The following MARCHF1 variants were observed in gnomAD, a reference collection of about 807,000 sequenced individuals.
The protein encoded by MARCHF1 is E3 ubiquitin-protein ligase MARCHF1.
A neutral mutation model predicts 54.2 loss-of-function variants in MARCHF1; 40 were observed. The observed-to-expected ratio is 0.74, with a 90% CI of 0.57 to 0.96. The LOEUF is 0.96. Ranked by LOEUF, MARCHF1 falls within the 40% of genes least tolerant of loss-of-function variation. The pLI is 0.00. For synonymous variants in MARCHF1, 236 were observed against 236.3 expected, an observed-to-expected ratio of 1.00 and a Z score of 0.01; for missense variants, 586 against 656.5, an observed-to-expected ratio of 0.89 and a Z score of 1.17.
In MARCHF1 at chr4:163,585,931, T is replaced by C; in HGVS notation, c.1011-2A>G. On this transcript the variant is annotated splice_acceptor_variant, in intron 7 of 9. Coordinates refer to ENST00000514618, the MANE Select transcript of MARCHF1 (RefSeq NM_001394959.1). LOFTEE classifies it high-confidence loss of function. ...TCATCCCCTTCGCAGTGACAGATTCTGCAGAAAGACACAGCAGCCAGTATG... is the reference window on the plus strand; with the variant it reads ...TCATCCCCTTCGCAGTGACAGATTCCGCAGAAAGACACAGCAGCCAGTATG... 1 of 1,600,040 alleles carries C rather than the reference T, an allele frequency of 6.2e-7. No individual in the cohort carries two copies. The highest frequency in any genetic ancestry group is 8.5e-7 in the Non-Finnish European group (1 of 1,173,844).
At chr4:164,239,516 C>A (rs1375174364) in intron 1 of MARCHF1, among the ~76,000 whole-genome samples, 1 of 152,088 alleles carries the variant, frequency 6.6e-6, no homozygotes, top group Non-Finnish European at 1.5e-5. Context: ...TGATTATAGT[C>A]AGATAGTCCT....
At chr4:164,185,336 T>A (rs998392494) in intron 1 of MARCHF1, among the ~76,000 whole-genome samples, 2 of 152,230 alleles carry the variant, frequency 1.3e-5, no homozygotes, top group Non-Finnish European at 2.9e-5. Context: ...TGATTGAATT[T>A]GTCTTTTATT....
At chr4:163,717,154 AC>A (rs1745289158) in intron 4 of MARCHF1, among the ~76,000 whole-genome samples, 1 of 76,444 alleles carries the variant, frequency 1.3e-5, no homozygotes, top group South Asian at 5.7e-4. Flanking sequence ...CCCTCCCCCC[AC>A]CCCATAACAG....
intron 3 of MARCHF1, among the ~76,000 whole-genome samples, chr4:163,888,113 AC>A (rs1465916116): frequency 2.6e-5 from 4 of 152,296 alleles, no homozygotes; most frequent in Middle Eastern, 3.4e-3. Context: ...GGTGCAACAA[AC>A]CCCATGACAC....
intron 4 of MARCHF1, among the ~76,000 whole-genome samples, chr4:163,743,288 T>C (rs186874981): frequency 6.6e-6 from 1 of 152,192 alleles, no homozygotes; most frequent in Non-Finnish European, 1.5e-5. Flanking sequence ...GTTCCACTGC[T>C]TTTACTCATT....
At chr4:163,601,401 CT>C (rs35012983) in intron 7 of MARCHF1, among the ~76,000 whole-genome samples, 60,716 of 149,454 alleles carry the variant, frequency 0.41, 12,882 homozygotes, top group East Asian at 0.57. Context: ...GAAAGTGTTG[CT>C]TTTTTTTTTT....
chr4:163,887,447 A>C (rs560691457), intron 3 of MARCHF1, among the ~76,000 whole-genome samples: 4 of 152,216 alleles, frequency 2.6e-5, no homozygotes, highest in Non-Finnish European at 5.9e-5. Context: ...AGAGTTTGCT[A>C]CTCAGAGGGT....
rs146448098 is a variant in MARCHF1 at position 164,089,308 on chromosome 4, G to T, written c.-248+22280C>A. ...AGTTTTAGAAATCAAATATAAATTGGATTTGTCTTCATATCTGTACTCATG... is the reference window on the plus strand; with the variant it reads ...AGTTTTAGAAATCAAATATAAATTGTATTTGTCTTCATATCTGTACTCATG... On this transcript the variant is annotated intron_variant, in intron 2 of 9. Transcript: ENST00000514618. 6.6e-5 allele frequency among the ~76,000 whole-genome samples: 10 copies of T among 152,048 alleles called. No individual in the cohort carries two copies. The East Asian group carries it at 1.9e-3, about 29-fold the overall frequency.
intron 7 of MARCHF1, among the ~76,000 whole-genome samples, chr4:163,611,416 C>T (rs1282650350): frequency 2.6e-5 from 4 of 152,018 alleles, no homozygotes; most frequent in Admixed American, 2.6e-4. Context: ...GTAACTTCTG[C>T]TTTTATAAAA....
intron 1 of MARCHF1, among the ~76,000 whole-genome samples, chr4:164,201,265 G>A (rs184085138): frequency 6.6e-6 from 1 of 152,236 alleles, no homozygotes; most frequent in Admixed American, 6.5e-5. Context: ...CTGTTGCCAG[G>A]CTGGAGTGCA....
At chr4:164,062,897 A>G (rs1260038808) in intron 2 of MARCHF1, among the ~76,000 whole-genome samples, 2 of 152,210 alleles carry the variant, frequency 1.3e-5, no homozygotes, top group African/African-American at 4.8e-5. Flanking sequence ...AATGGATGTT[A>G]TGTTAGCAGC....
intron 7 of MARCHF1, among the ~76,000 whole-genome samples, chr4:163,603,733 A>G (rs933302977): frequency 1.3e-5 from 2 of 151,964 alleles, no homozygotes; most frequent in African/African-American, 2.4e-5. Flanking sequence ...ACATATCCAC[A>G]TTTATCATTT....
chr4:163,795,215 A>C (rs1483717858), intron 4 of MARCHF1, among the ~76,000 whole-genome samples: 1 of 152,052 alleles, frequency 6.6e-6, no homozygotes, highest in East Asian at 1.9e-4. Context: ...TAATTCCCAG[A>C]CATCTTAATG....
At chr4:164,168,616 C>T (rs1049637574) in intron 1 of MARCHF1, among the ~76,000 whole-genome samples, 7 of 151,280 alleles carry the variant, frequency 4.6e-5, no homozygotes, top group South Asian at 2.1e-4. Context: ...GTGAAGCAAG[C>T]CAGACACAGA....
At chr4:164,023,088 GC>G (rs576440811) in intron 2 of MARCHF1, among the ~76,000 whole-genome samples, 176 of 152,264 alleles carry the variant, frequency 1.2e-3, no homozygotes, top group African/African-American at 4.1e-3. Flanking sequence ...TGGGAAAAAG[GC>G]CCCGCTCTCA....
intron 3 of MARCHF1, among the ~76,000 whole-genome samples, chr4:163,922,784 C>T (rs1322887705): frequency 2.0e-5 from 3 of 152,154 alleles, no homozygotes; most frequent in Non-Finnish European, 4.4e-5. Context: ...ACTGAACAAA[C>T]AACTCCCTTA....
intron 3 of MARCHF1, among the ~76,000 whole-genome samples, chr4:163,943,585 A>C (rs1751959045): frequency 6.6e-6 from 1 of 151,914 alleles, no homozygotes; most frequent in East Asian, 1.9e-4. Flanking sequence ...GTTACTGTAG[A>C]TGTAGGGTGG....
chr4:164,352,579 C>T (rs1730381984), intron 1 of MARCHF1, among the ~76,000 whole-genome samples: 2 of 148,634 alleles, frequency 1.3e-5, no homozygotes, highest in South Asian at 4.6e-4. Flanking sequence ...TTTGTCACCA[C>T]CAGGCCTGCC....
At chr4:163,580,816 G>GTTGTGTGATATTGAATGATTTTGAT (rs1740207872) in intron 8 of MARCHF1, among the ~76,000 whole-genome samples, 2,477 of 42,454 alleles carry the variant, frequency 0.058, 563 homozygotes, top group East Asian at 0.078. Flanking sequence ...TTTTTTTTGA[G>GTTGTGTGATATTGAATGATTTTGAT]ACGGAGTCTC....
Sources: allele counts gnomAD v4.1 joint callset (sites outside exome capture counted in the v4.1 genomes callset), GRCh38; gene constraint gnomAD v4.1.1; transcripts MANE v1.5; gene names NCBI Gene and HGNC (gene_info 2026-07-23, HGNC 2026-07-21).